Variants in PRORP observed in about 807,000 individuals in gnomAD.
The protein encoded by PRORP is protein only RNase P catalytic subunit.
A neutral mutation model predicts 59.4 loss-of-function variants in PRORP; 51 were observed. The ratio of observed to expected loss-of-function variants is 0.86; its 90% CI spans 0.69 to 1.08. PRORP has a LOEUF of 1.08. Among genes scored for constraint, PRORP ranks in the 50% least tolerant of loss-of-function variants. The probability of loss-of-function intolerance (pLI) is 0.00; values close to 1 mark genes in which losing one functional copy is unlikely to be tolerated. For synonymous variants in PRORP, 231 were observed against 245.6 expected (o/e 0.94, Z 0.55); for missense variants, 646 against 690.3 (o/e 0.94, Z 0.72).
chr14:35,133,910 A>C (rs1367250015), intron 4 of PRORP, among the ~76,000 whole-genome samples: 3 of 152,174 alleles, frequency 2.0e-5, no homozygotes. Context: ...CCACCACTAG[A>C]ACTGTGCTGG....
In PRORP at chr14:35,127,593, C is replaced by A; in HGVS notation, c.1149C>A (p.Tyr383Ter). The change falls in exon 4 of 8, where the codon TAC becomes TAA. Residue 383 changes from tyrosine (Y) to a stop codon, truncating the protein, a stop_gained. Coordinates refer to ENST00000534898, the MANE Select transcript of PRORP (RefSeq NM_014672.4). LOFTEE classifies it high-confidence loss of function. ...ATGTGATAGATGGAGGTGACCAGTA[C>A]AGAAAGACAACACCTCAGGTGAGTC... ...MRDVIDGGDQYRKTTPQELKR... is the reference protein window; with the variant it reads ...MRDVIDGGDQ 1 of 1,614,006 alleles carries A rather than the reference C, an allele frequency of 6.2e-7. No homozygotes were observed. The highest frequency in any genetic ancestry group is 8.5e-7 in the Non-Finnish European group (1 of 1,179,960).
intron 4 of PRORP, among the ~76,000 whole-genome samples, chr14:35,175,652 A>G (rs961724311): frequency 6.6e-6 from 1 of 151,730 alleles, no homozygotes; most frequent in African/African-American, 2.4e-5. Flanking sequence ...CCTTTGTCAG[A>G]TGAGTAGATA....
intron 4 of PRORP, among the ~76,000 whole-genome samples, chr14:35,155,286 G>A (rs2047885158): frequency 6.6e-6 from 1 of 152,032 alleles, no homozygotes; most frequent in African/African-American, 2.4e-5. Context: ...GGGAAATAGG[G>A]GATGGAATAG....
chr14:35,210,870 C>T (rs2049425196), intron 5 of PRORP, among the ~76,000 whole-genome samples: 1 of 149,340 alleles, frequency 6.7e-6, no homozygotes, highest in African/African-American at 2.5e-5. Context: ...CTCAAGCTAT[C>T]CTCCCACCTC....
intron 5 of PRORP, among the ~76,000 whole-genome samples, chr14:35,181,513 G>A (rs888775262): frequency 1.7e-4 from 26 of 152,302 alleles, no homozygotes; most frequent in South Asian, 6.2e-4. Flanking sequence ...GCTGGGCACA[G>A]TGGCTCATGC....
At chr14:35,139,964 T>C (rs1042231279) in intron 4 of PRORP, among the ~76,000 whole-genome samples, 2 of 145,874 alleles carry the variant, frequency 1.4e-5, no homozygotes, top group African/African-American at 2.4e-5. Flanking sequence ...TCTGTCTTCA[T>C]GTGGCCTTTG....
At chr14:35,137,646 C>T (rs1299440914) in intron 4 of PRORP, among the ~76,000 whole-genome samples, 1 of 145,216 alleles carries the variant, frequency 6.9e-6, no homozygotes, top group Non-Finnish European at 1.5e-5. Context: ...AGACATTACT[C>T]TGTGTGATTG....
At chr14:35,129,669 C>G (rs1469232615) in intron 4 of PRORP, among the ~76,000 whole-genome samples, 1 of 151,646 alleles carries the variant, frequency 6.6e-6, no homozygotes, top group Non-Finnish European at 1.5e-5. Context: ...TTAGTACAGA[C>G]AGGGTTTCAC....
At chr14:35,222,590 A>T (rs968905880) in intron 5 of PRORP, 8 of 152,226 alleles carry the variant, frequency 5.3e-5, no homozygotes, top group African/African-American at 1.9e-4. Flanking sequence ...TAACTCTGTT[A>T]GTCATAGAAT....
chr14:35,185,991 T>C (rs2048730648), intron 5 of PRORP, among the ~76,000 whole-genome samples: 1 of 152,192 alleles, frequency 6.6e-6, no homozygotes, highest in Non-Finnish European at 1.5e-5. Context: ...AAACCAGTGT[T>C]TCATCTTACA....
At chr14:35,264,061 A>G (rs976650108) in intron 5 of PRORP, among the ~76,000 whole-genome samples, 3 of 151,622 alleles carry the variant, frequency 2.0e-5, no homozygotes, top group Non-Finnish European at 2.9e-5. Flanking sequence ...TCAGCCTCTC[A>G]TGTAGCCAGG....
chr14:35,238,993 T>G (rs2050290573), intron 5 of PRORP, among the ~76,000 whole-genome samples: 1 of 152,202 alleles, frequency 6.6e-6, no homozygotes, highest in Non-Finnish European at 1.5e-5. Flanking sequence ...TGTTGTATTT[T>G]TCTTACTTTA....
intron 5 of PRORP, among the ~76,000 whole-genome samples, chr14:35,229,806 A>G (rs2050026979): frequency 6.6e-6 from 1 of 152,162 alleles, no homozygotes; most frequent in Non-Finnish European, 1.5e-5. Context: ...GATTTTTTTC[A>G]AACAATCACA....
At chr14:35,238,962 C>T (rs1302882914) in intron 5 of PRORP, among the ~76,000 whole-genome samples, 1 of 152,152 alleles carries the variant, frequency 6.6e-6, no homozygotes, top group Non-Finnish European at 1.5e-5. Context: ...ATTTGATCCT[C>T]ACACATCCCT....
chr14:35,148,594 A>G (rs963042111), intron 4 of PRORP, among the ~76,000 whole-genome samples: 2 of 152,206 alleles, frequency 1.3e-5, no homozygotes, highest in African/African-American at 4.8e-5. Context: ...ATTGACTTCA[A>G]TAAAGTCACC....
At chr14:35,127,367 A>C in intron 3 of PRORP, 112 bp from the exon 4 acceptor site, 2 of 742,624 alleles carry the variant, frequency 2.7e-6, no homozygotes, top group Non-Finnish European at 4.0e-6. Flanking sequence ...CAAAGGTTTT[A>C]ATGTTCTTTT....
intron 4 of PRORP, among the ~76,000 whole-genome samples, chr14:35,152,565 C>G (rs2047789666): frequency 6.6e-6 from 1 of 151,560 alleles, no homozygotes; most frequent in Admixed American, 6.6e-5. Flanking sequence ...AGGCGCCCCC[C>G]ACCTCCCTCC....
chr14:35,266,577 C>A, intron 5 of PRORP, 150 bp from the exon 6 acceptor site: 1 of 802,248 alleles, frequency 1.2e-6, no homozygotes, highest in Non-Finnish European at 2.0e-6. Flanking sequence ...TTTCCTCAGG[C>A]TTTCAAAGAT....
intron 5 of PRORP, among the ~76,000 whole-genome samples, chr14:35,193,498 A>AT (rs945804757): frequency 2.2e-4 from 34 of 151,990 alleles, no homozygotes; most frequent in African/African-American, 7.2e-4. Flanking sequence ...GTAAGTTCTT[A>AT]TTTTTTCTGC....
Sources: gnomAD v4.1 joint callset for allele counts (sites outside exome capture counted in the v4.1 genomes callset) on GRCh38, gnomAD v4.1.1 for gene constraint, MANE v1.5 for transcripts, NCBI Gene and HGNC (gene_info 2026-07-23, HGNC 2026-07-21) for gene names.